Variants in TSSK4 observed in about 807,000 individuals in gnomAD.
TSSK4 encodes testis-specific serine/threonine-protein kinase 4.
TSSK4 carries 22 observed loss-of-function variants against 28.5 expected under a neutral mutation model. The observed-to-expected ratio is 0.77, with a 90% CI of 0.55 to 1.10. The LOEUF is 1.10. Ranked by LOEUF, TSSK4 falls within the 50% of genes least tolerant of loss-of-function variation. The pLI is 0.00. For missense variants in TSSK4, 329 were observed against 415.4 expected, an observed-to-expected ratio of 0.79 and a Z score of 1.81; for synonymous variants, 151 against 158.3, an observed-to-expected ratio of 0.95 and a Z score of 0.35.
At position 24,206,101 on chromosome 14, in the gene TSSK4, A is replaced by G; in HGVS notation, c.178A>G (p.Lys60Glu). ...MVAVKIISKK[K>E]ASDDYLNKFL... ...GGCAGTCAAGATCATCTCAAAGAAG[A>G]AGGCCTCTGATGACTATCTTAACAA... The change falls in exon 1 of 4, where the codon AAG (lysine) becomes GAG (glutamate). Residue 60 changes from lysine (K) to glutamate (E), a missense_variant. By Grantham distance (56) the Lys-to-Glu change is moderately conservative (BLOSUM62 1). Transcript: ENST00000339917. 1 of 1,614,198 alleles carries G rather than the reference A, an allele frequency of 6.2e-7. No individual in the cohort carries two copies. The highest frequency in any genetic ancestry group is 8.5e-7 in the Non-Finnish European group (1 of 1,180,038).
chr14:24,206,389 G>A, intron 1 of TSSK4, 120 bp from the exon 2 acceptor site: 1 of 1,127,480 alleles, frequency 8.9e-7, no homozygotes, highest in South Asian at 1.4e-5. Flanking sequence ...CCAGTTCTCT[G>A]GGGTTGAGGG....
At position 24,206,115 on chromosome 14, in the gene TSSK4, C is replaced by T; in HGVS notation, c.192C>T (p.Asp64=). The change falls in exon 1 of 4, where the codon GAC becomes GAT. Residue 64 remains aspartate (D), a synonymous_variant. Coordinates refer to ENST00000339917, the MANE Select transcript of TSSK4 (RefSeq NM_001184739.2). ...TCTCAAAGAAGAAGGCCTCTGATGA[C>T]TATCTTAACAAGTTCCTGCCCCGTG... ...KIISKKKASD[D]YLNKFLPREI... The T allele has an allele frequency of 6.2e-7, 1 of 1,614,080 alleles. No individual in the cohort carries two copies. The highest frequency in any genetic ancestry group is 2.2e-5 in the East Asian group (1 of 44,874).
chr14:24,207,431 C>T lies in TSSK4; in HGVS notation c.756C>T (p.Thr252=). The T allele has an allele frequency of 6.2e-7, 1 of 1,614,050 alleles. No homozygotes were observed. Among genetic ancestry groups the T allele is most frequent in the Non-Finnish European group, 8.5e-7 (1 of 1,179,996 alleles). Residue 252 remains threonine (T), a synonymous_variant, in exon 3 of 4, where the codon ACC becomes ACT. Coordinates refer to ENST00000339917, the MANE Select transcript of TSSK4 (RefSeq NM_001184739.2). ...TCGCCCATCTGCCCTTTGATGACAC[C>T]AATCTCAAAAAGCTGCTAAGAGAGA... ...LVVAHLPFDD[T]NLKKLLRETQ... is the part of the protein sequence containing the mutation.
Position 24,205,791 on chromosome 14 carries a change from G to A in TSSK4, c.-133G>A, listed in dbSNP as rs143840213. 3.0e-5 allele frequency: 20 copies of A among 656,810 alleles called. No homozygotes were observed. The highest frequency in any genetic ancestry group is 3.0e-4 in the East Asian group (11 of 36,764). 40.7% of individuals were successfully genotyped at this position (656,810 alleles called of 1,614,324 possible). A position where few individuals can be genotyped will look rare whatever the true frequency, so the allele number is the denominator to read the frequency against. On this transcript the variant is annotated 5_prime_UTR_variant, in exon 1 of 4. The change creates a new upstream start codon in the 5' untranslated region. Transcript: ENST00000339917. ...GGGCTGAGTCCAGCATCCCAGACTCGTGTGACTATATAGGCAAGCATTTGG... is the reference window on the plus strand; with the variant it reads ...GGGCTGAGTCCAGCATCCCAGACTCATGTGACTATATAGGCAAGCATTTGG...
rs2039507342 is a variant in TSSK4 at position 24,205,863 on chromosome 14, T to C, written c.-61T>C. 1.5e-6 allele frequency: 2 copies of C among 1,348,364 alleles called. No individual in the cohort carries two copies. Among genetic ancestry groups the C allele is most frequent in the African/African-American group, 2.9e-5 (2 of 69,714 alleles). 83.5% of individuals were successfully genotyped at this position (1,348,364 alleles called of 1,614,324 possible). ...CCTAGCCTTCAGCAGCTCAAGGTGT[T>C]GGCCTTTGGATAGGAGGCTTCCAAG... On this transcript the variant is annotated 5_prime_UTR_variant, in exon 1 of 4. Transcript: ENST00000339917.
chr14:24,206,638 GC>G lies in TSSK4; in HGVS notation c.357del (p.Cys120AlafsTer13), dbSNP rs1246033385. ...CCTTGAATGGATCCAGCGCTACGGGGCCTGCTCTGAGCCCCTTGCTGGCAAG... is the reference window on the plus strand; with the variant it reads ...CCTTGAATGGATCCAGCGCTACGGGGCTGCTCTGAGCCCCTTGCTGGCAAG... ...DVLEWIQRYGACSEPLAGKWF... is the reference protein window; with the variant it reads ...DVLEWIQRYGXCSEPLAGKWF... On this transcript the variant is annotated frameshift_variant, in exon 2 of 4. Coordinates refer to ENST00000339917, the MANE Select transcript of TSSK4 (RefSeq NM_001184739.2). LOFTEE classifies it high-confidence loss of function. The G allele has an allele frequency of 3.1e-6, 5 of 1,614,106 alleles. No individual in the cohort carries two copies.
In TSSK4 at chr14:24,208,151, G is replaced by A; in HGVS notation, c.*5G>A. ...TCCTTGCAAATTACGACCTGAAAATGGCTGAGGGAGGGGGCTAAGAGAGGA... is the reference window on the plus strand; with the variant it reads ...TCCTTGCAAATTACGACCTGAAAATAGCTGAGGGAGGGGGCTAAGAGAGGA... On this transcript the variant is annotated 3_prime_UTR_variant, in exon 4 of 4. Coordinates refer to ENST00000339917, the MANE Select transcript of TSSK4 (RefSeq NM_001184739.2). The A allele has an allele frequency of 6.3e-7, 1 of 1,597,582 alleles. No individual in the cohort carries two copies. The highest frequency in any genetic ancestry group is 1.1e-5 in the South Asian group (1 of 90,306).
Position 24,205,823 on chromosome 14 carries a change from A to G in TSSK4, c.-101A>G. 2 of 843,826 alleles carry G rather than the reference A, an allele frequency of 2.4e-6. No homozygotes were observed. The highest frequency in any genetic ancestry group is 3.9e-6 in the Non-Finnish European group (2 of 507,568). 52.3% of individuals were successfully genotyped at this position (843,826 alleles called of 1,614,324 possible). A position where few individuals can be genotyped will look rare whatever the true frequency, so the allele number is the denominator to read the frequency against. On this transcript the variant is annotated 5_prime_UTR_variant, in exon 1 of 4. Coordinates refer to ENST00000339917, the MANE Select transcript of TSSK4 (RefSeq NM_001184739.2). ...TATATAGGCAAGCATTTGGGGACCTACTTCACTTTGATACCCTAGCCTTCA... is the reference window on the plus strand; with the variant it reads ...TATATAGGCAAGCATTTGGGGACCTGCTTCACTTTGATACCCTAGCCTTCA...
In TSSK4 at chr14:24,206,573, G is replaced by A; in HGVS notation, c.290G>A (p.Arg97Gln). Residue 97 changes from arginine to glutamine, a missense_variant, in exon 2 of 4, where the codon CGA (arginine) becomes CAA (glutamine). Around this residue, in one of 3 missense-constraint regions of TSSK4, gnomAD observed 175 missense variants for 196.0 expected, o/e 0.89. Transcript: ENST00000339917. ...NFYRAIESTSRVYIILELAQG... is the reference protein window; with the variant it reads ...NFYRAIESTSQVYIILELAQG... ...TATCGGGCCATTGAGAGCACATCTC[G>A]AGTATACATCATTCTGGAACTGGCT... 2 of 1,614,208 alleles carry A rather than the reference G, an allele frequency of 1.2e-6. No individual in the cohort carries two copies. The highest frequency in any genetic ancestry group is 1.7e-6 in the Non-Finnish European group (2 of 1,180,034).
chr14:24,205,951 G>A lies in TSSK4; in HGVS notation c.28G>A (p.Ala10Thr). 1 of 1,614,088 alleles carries A rather than the reference G, an allele frequency of 6.2e-7. No homozygotes were observed. The stretch of plus-strand genomic sequence containing the variant: ...GGGGAAGGGAGATGTCTTAGAGGCA[G>A]CACCAACCACCACAGCCTACCATTC... MGKGDVLEA[A>T]PTTTAYHSLM... Residue 10 changes from alanine to threonine, a missense_variant, in exon 1 of 4, where the codon GCA becomes ACA. Coordinates refer to ENST00000339917, the MANE Select transcript of TSSK4 (RefSeq NM_001184739.2).
In TSSK4 at chr14:24,206,137, C is replaced by G. The variant is rs1015737252; in HGVS notation, c.214C>G (p.Arg72Gly). ...SDDYLNKFLP[R>G]EIQVMKVLRH... ...TGACTATCTTAACAAGTTCCTGCCCCGTGAAATACAGGTTGGAAAGGGGGC... is the reference window on the plus strand; with the variant it reads ...TGACTATCTTAACAAGTTCCTGCCCGGTGAAATACAGGTTGGAAAGGGGGC... Residue 72 changes from arginine to glycine, a missense_variant, in exon 1 of 4, where the codon CGT becomes GGT. By Grantham distance (125) the Arg-to-Gly change is moderately radical (BLOSUM62 -2). Around this residue, in one of 3 missense-constraint regions of TSSK4, gnomAD observed 175 missense variants for 196.0 expected, o/e 0.89. Coordinates refer to ENST00000339917, the MANE Select transcript of TSSK4 (RefSeq NM_001184739.2). 1 of 1,613,946 alleles carries G rather than the reference C, an allele frequency of 6.2e-7. No homozygotes were observed. The highest frequency in any genetic ancestry group is 1.1e-5 in the South Asian group (1 of 91,082).
chr14:24,206,777 A>ACATCTCC (rs2039526740), intron 2 of TSSK4, 54 bp downstream of exon 2: 1 of 1,583,020 alleles, frequency 6.3e-7, no homozygotes, highest in Admixed American at 1.7e-5. Flanking sequence ...GGTTTTATGC[A>ACATCTCC]CATCTCCCAT....
chr14:24,207,136 C>T lies in TSSK4; in HGVS notation c.461C>T (p.Ala154Val). 7 of 1,608,870 alleles carry T rather than the reference C, an allele frequency of 4.4e-6. No individual in the cohort carries two copies. The highest frequency in any genetic ancestry group is 2.2e-5 in the East Asian group (1 of 44,880). Residue 154 changes from alanine (A) to valine (V), a missense_variant, in exon 3 of 4, where the codon GCT becomes GTT. Coordinates refer to ENST00000339917, the MANE Select transcript of TSSK4 (RefSeq NM_001184739.2). ...CCCAGCCTGATGCCCAGCCTTTCTG[C>T]TGCTGGTAGGGACTTAAAGTTGGAG... ...IVHRLMPSLS[A>V]AGRDLKLENL...
Position 24,206,730 on chromosome 14 carries a change from G to T in TSSK4, c.440+7G>T. 6.2e-7 allele frequency: 1 copy of T among 1,612,868 alleles called. No individual in the cohort carries two copies. Among genetic ancestry groups the T allele is most frequent in the African/African-American group, 1.3e-5 (1 of 75,030 alleles). ...GCAAGAGCATCGTGCACCGGTGAGG[G>T]CGCTGCCACCCAGACTGGGGCCTTT... On this transcript the variant is annotated splice_region_variant and intron_variant, in intron 2 of 3. Coordinates refer to ENST00000339917, the MANE Select transcript of TSSK4 (RefSeq NM_001184739.2).
chr14:24,207,743 A>C (rs1185072201), intron 3 of TSSK4: 1 of 1,031,670 alleles, frequency 9.7e-7, no homozygotes, highest in Non-Finnish European at 1.4e-6. Flanking sequence ...CTTTCTCTTT[A>C]GGCCAGAAGG....
chr14:24,205,885 C>T lies in TSSK4; in HGVS notation c.-39C>T, dbSNP rs1281154142. On this transcript the variant is annotated 5_prime_UTR_variant, in exon 1 of 4. Transcript: ENST00000339917. ...TGTTGGCCTTTGGATAGGAGGCTTC[C>T]AAGTAGTAAAGCTCCCTGCTCTCAG... 6.4e-7 allele frequency: 1 copy of T among 1,564,974 alleles called. No individual in the cohort carries two copies. Among genetic ancestry groups the T allele is most frequent in the East Asian group, 2.2e-5 (1 of 44,586 alleles).
chr14:24,208,138 A>G lies in TSSK4; in HGVS notation c.1009A>G (p.Thr337Ala), dbSNP rs532876491. Residue 337 changes from threonine (T) to alanine (A), a missense_variant, in exon 4 of 4, where the codon ACG becomes GCG. By Grantham distance (58) the Thr-to-Ala change is moderately conservative. Around this residue, in one of 3 missense-constraint regions of TSSK4, gnomAD observed 139 missense variants for 178.1 expected, o/e 0.78. Transcript: ENST00000339917. ...TAAACAGCACCAATCCTTGCAAATT[A>G]CGACCTGAAAATGGCTGAGGGAGGG... ...TTKQHQSLQITT is the reference protein window; with the variant it reads ...TTKQHQSLQIAT The G allele has an allele frequency of 2.6e-5, 41 of 1,580,850 alleles. No individual in the cohort carries two copies. The highest frequency in any genetic ancestry group is 3.5e-5 in the African/African-American group (2 of 57,006).
At chr14:24,206,329 T>TG (rs2039515584) in intron 1 of TSSK4, among the ~76,000 whole-genome samples, 180 bp from the exon 2 acceptor site, 1 of 152,212 alleles carries the variant, frequency 6.6e-6, no homozygotes, top group African/African-American at 2.4e-5. Flanking sequence ...CCACTCACCT[T>TG]CAGTCCCCAA....
At position 24,205,785 on chromosome 14, in the gene TSSK4, AGACTCGTGT is replaced by A. The variant is rs2039506095; in HGVS notation, c.-134_-126del. Reference sequence around the variant, plus strand: ...AGTGGAGGGCTGAGTCCAGCATCCCAGACTCGTGTGACTATATAGGCAAGCATTTGGGGA... The same window carrying A: ...AGTGGAGGGCTGAGTCCAGCATCCCAGACTATATAGGCAAGCATTTGGGGA... On this transcript the variant is annotated 5_prime_UTR_variant, in exon 1 of 4. Coordinates refer to ENST00000339917, the MANE Select transcript of TSSK4 (RefSeq NM_001184739.2). The A allele has an allele frequency of 1.6e-6, 1 of 641,526 alleles. No homozygotes were observed. Among genetic ancestry groups the A allele is most frequent in the African/African-American group, 1.8e-5 (1 of 54,788 alleles). 39.7% of individuals were successfully genotyped at this position (641,526 alleles called of 1,614,324 possible). A position where few individuals can be genotyped will look rare whatever the true frequency, so the allele number is the denominator to read the frequency against.
Sources: gnomAD v4.1 joint callset for allele counts (sites outside exome capture counted in the v4.1 genomes callset) on GRCh38, gnomAD v4.1.1 for gene constraint, gnomAD v4.1.1 regional missense constraint, MANE v1.5 for transcripts, NCBI Gene and HGNC (gene_info 2026-07-23, HGNC 2026-07-21) for gene names.